Variants in NOC3L observed in about 807,000 individuals in gnomAD.
The protein encoded by NOC3L is NOC3 like DNA replication regulator, also known as nucleolar complex protein 3 homolog.
In NOC3L, 85 loss-of-function variants were observed where a neutral mutation model predicts 102.5. That is an observed-to-expected ratio of 0.83 (90% CI 0.70 to 0.99). The LOEUF is 0.99. Ranked by LOEUF, NOC3L falls within the 50% of genes least tolerant of loss-of-function variation. The pLI, the probability that NOC3L is intolerant of heterozygous loss-of-function variation, is 0.00. For synonymous variants in NOC3L, 303 were observed against 309.4 expected (o/e 0.98, Z 0.22); for missense variants, 878 against 914.9 (o/e 0.96, Z 0.52).
chr10:94,347,445 G>C (rs905734121), intron 10 of NOC3L, among the ~76,000 whole-genome samples: 6 of 152,250 alleles, frequency 3.9e-5, no homozygotes, highest in Middle Eastern at 3.4e-3. Context: ...TTTTACTCTA[G>C]CATCACGAAA....
chr10:94,321,215 G>A, the NOC3L span, among the ~76,000 whole-genome samples: 2 of 152,166 alleles, frequency 1.3e-5, no homozygotes, highest in Non-Finnish European at 1.5e-5. Context: ...AATGCTCAAC[G>A]TCTGTGGAAA....
the NOC3L span, among the ~76,000 whole-genome samples, chr10:94,323,076 G>A: frequency 6.6e-6 from 1 of 152,140 alleles, no homozygotes; most frequent in Non-Finnish European, 1.5e-5. Context: ...ATGGATTTAG[G>A]AAGTGACTCT....
At position 94,352,354 on chromosome 10, in the gene NOC3L, C is replaced by T; in HGVS notation, c.908G>A (p.Ser303Asn). The change falls in exon 8 of 21, where the codon AGC (serine) becomes AAC (asparagine). Residue 303 changes from serine to asparagine, a missense_variant. By Grantham distance (46) the Ser-to-Asn change is conservative. Coordinates refer to ENST00000371361, the MANE Select transcript of NOC3L (RefSeq NM_022451.11). ...KLREFEEGLV[S>N]QYKFYLENLE... is the part of the protein sequence containing the mutation. Reference sequence around the variant, plus strand: ...ATTTTCCAAATAAAACTTGTATTGGCTAACCAGGCCTTCTTCAAATTCTCT... The same window carrying T: ...ATTTTCCAAATAAAACTTGTATTGGTTAACCAGGCCTTCTTCAAATTCTCT... 2 of 1,613,854 alleles carry T rather than the reference C, an allele frequency of 1.2e-6. No individual in the cohort carries two copies. Among genetic ancestry groups the T allele is most frequent in the Middle Eastern group, 1.7e-4 (1 of 6,032 alleles).
At chr10:94,332,495 ATGTGTGTGCCTGTG>A (rs1441452074), downstream of NOC3L, 5 of 130,346 alleles carry the variant, frequency 3.8e-5, no homozygotes, top group Admixed American at 8.4e-5. Context: ...GCCTCAGGAT[ATGTGTGTGCCTGTG>A]TGTGTGTGTG....
intron 2 of NOC3L, among the ~76,000 whole-genome samples, chr10:94,359,152 C>T (rs906268204): frequency 3.9e-5 from 6 of 152,270 alleles, no homozygotes; most frequent in Non-Finnish European, 7.4e-5. Flanking sequence ...TGGCTGAGCG[C>T]GGTGGCTCAC....
chr10:94,315,441 T>C, the NOC3L span: 1 of 456,070 alleles, frequency 2.2e-6, no homozygotes, highest in Non-Finnish European at 4.4e-6. Context: ...TTTACTCCCT[T>C]CAAATTCAGC....
In NOC3L at chr10:94,350,137, A is replaced by G. The variant is rs1360236661; in HGVS notation, c.1104T>C (p.Pro368=). 6.2e-7 allele frequency: 1 copy of G among 1,614,162 alleles called. No homozygotes were observed. The highest frequency in any genetic ancestry group is 1.1e-5 in the South Asian group (1 of 91,080). ...FHNNIIVLIV[P]LMNDMSKLIS... Reference sequence around the variant, plus strand: ...CCAATTTTGACATGTCATTCATGAGAGGGACAATCAATACGATGATGTTGT... The same window carrying G: ...CCAATTTTGACATGTCATTCATGAGGGGGACAATCAATACGATGATGTTGT... Residue 368 remains proline (P), a synonymous_variant, in exon 9 of 21, where the codon CCT becomes CCC. Transcript: ENST00000371361.
Position 94,361,842 on chromosome 10 carries a change from G to A in NOC3L, c.40C>T (p.Arg14Cys), listed in dbSNP as rs753022530. Residue 14 changes from arginine to cysteine, a missense_variant, in exon 2 of 21, where the codon CGC becomes TGC. By Grantham distance (180) the Arg-to-Cys change is radical. Coordinates refer to ENST00000371361, the MANE Select transcript of NOC3L (RefSeq NM_022451.11). ...ACTTTACTAGTTTTTATTAACTTGC[G>A]AAAGCTTGGGATCTGTTTTTTATTT... Reference protein sequence around the residue: ...RRNKKQIPSFRKLIKTSKVKL... With the variant: ...RRNKKQIPSFCKLIKTSKVKL... 14 of 1,612,262 alleles carry A rather than the reference G, an allele frequency of 8.7e-6. No individual in the cohort carries two copies. The highest frequency in any genetic ancestry group is 1.1e-5 in the South Asian group (1 of 90,934).
Position 94,340,286 on chromosome 10 carries a change from T to C in NOC3L, c.1770A>G (p.Lys590=). 1 of 1,609,194 alleles carries C rather than the reference T, an allele frequency of 6.2e-7. No homozygotes were observed. Among genetic ancestry groups the C allele is most frequent in the Non-Finnish European group, 8.5e-7 (1 of 1,176,736 alleles). The change falls in exon 16 of 21, where the codon AAA becomes AAG. Residue 590 remains lysine (K), a synonymous_variant. Transcript: ENST00000371361. ...FYTHLYKTLF[K]LHAGATNEGV... ...TCTAAACATACATACCTGCATGTAATTTGAACAGTGTTTTGTAGAGATGTG... is the reference window on the plus strand; with the variant it reads ...TCTAAACATACATACCTGCATGTAACTTGAACAGTGTTTTGTAGAGATGTG...
rs959825076 is a variant in NOC3L, at chr10:94,358,182, T to C, written c.251A>G (p.Glu84Gly). The C allele has an allele frequency of 1.3e-6, 2 of 1,580,236 alleles. No individual in the cohort carries two copies. Among genetic ancestry groups the C allele is most frequent in the Non-Finnish European group, 1.7e-6 (2 of 1,152,322 alleles). ...CATCATATCTAAAGGAAGGGCTTCT[T>C]CTTCTTCCTCTTCTTCCCTCTCAAT... is the stretch of plus-strand genomic sequence containing the variant. Reference protein sequence around the residue: ...KRIEREEEEEEEALPLDMMDE... With the variant: ...KRIEREEEEEGEALPLDMMDE... The change falls in exon 3 of 21, where the codon GAA becomes GGA. Residue 84 changes from glutamate to glycine, a missense_variant. Transcript: ENST00000371361.
At chr10:94,349,211 T>C in intron 10 of NOC3L, 39 bp downstream of exon 10, 1 of 1,560,374 alleles carries the variant, frequency 6.4e-7, no homozygotes. Flanking sequence ...AACTTTGTAA[T>C]TTAAAAACAA....
rs533311971 is a variant in NOC3L at position 94,341,445 on chromosome 10, A to C, written c.1644+228T>G. The stretch of plus-strand genomic sequence containing the variant: ...ATGCATCAATTTAAAAAAAAAAAAA[A>C]GAAAACAGGTCAGACAACCCTCCTG... On this transcript the variant is annotated intron_variant, in intron 14 of 20. Coordinates refer to ENST00000371361, the MANE Select transcript of NOC3L (RefSeq NM_022451.11). Among the ~76,000 whole-genome samples the C allele has an allele frequency of 1.3e-4, 19 of 151,252 alleles. No homozygotes were observed. The East Asian group carries it at 3.7e-3, about 29-fold the overall frequency.
intron 5 of NOC3L, 77 bp from the exon 6 acceptor site, chr10:94,355,170 GTAATAA>G (rs1034046734): frequency 8.7e-6 from 11 of 1,263,162 alleles, no homozygotes; most frequent in African/African-American, 4.5e-5. Flanking sequence ...TATTTTTACA[GTAATAA>G]TAATAATGAC....
At chr10:94,327,392 C>A in the NOC3L span, among the ~76,000 whole-genome samples, 2 of 150,280 alleles carry the variant, frequency 1.3e-5, no homozygotes, top group South Asian at 4.2e-4. Context: ...GTCAGGAGTT[C>A]GAGACCAGCC....
intron 13 of NOC3L, among the ~76,000 whole-genome samples, chr10:94,342,310 A>T (rs912870502): frequency 6.6e-6 from 1 of 152,150 alleles, no homozygotes; most frequent in African/African-American, 2.4e-5. Context: ...TGAGCTGCTA[A>T]ATTTGAGAGT....
At position 94,344,419 on chromosome 10, in the gene NOC3L, C is replaced by T; in HGVS notation, c.1567G>A (p.Ala523Thr). Residue 523 changes from alanine (A) to threonine (T), a missense_variant, in exon 13 of 21, where the codon GCC (alanine) becomes ACC (threonine). By Grantham distance (58) the Ala-to-Thr change is moderately conservative. Coordinates refer to ENST00000371361, the MANE Select transcript of NOC3L (RefSeq NM_022451.11). Reference sequence around the variant, plus strand: ...TTCAACCTACACAGCCCTTACTTGGCAAGACCTTCTAGAACTGCTGGCAGG... The same window carrying T: ...TTCAACCTACACAGCCCTTACTTGGTAAGACCTTCTAGAACTGCTGGCAGG... ...PLLPAVLEGL[A>T]KFAHLINVEF... The T allele has an allele frequency of 6.2e-7, 1 of 1,609,902 alleles. No homozygotes were observed. The highest frequency in any genetic ancestry group is 8.5e-7 in the Non-Finnish European group (1 of 1,176,672).
chr10:94,357,271 T>C lies in NOC3L; in HGVS notation c.411A>G (p.Ile137Met). Residue 137 changes from isoleucine (I) to methionine (M), a missense_variant, in exon 4 of 21, where the codon ATA becomes ATG. Transcript: ENST00000371361. ...HERIIDKYEK[I>M]PRTLQTAPEK... ...CTGGTGCAGTTTGCAGAGTTCTTGG[T>C]ATTTTTTCATATTTATCTATAATGC... 6.2e-7 allele frequency: 1 copy of C among 1,608,142 alleles called. No homozygotes were observed. The highest frequency in any genetic ancestry group is 8.5e-7 in the Non-Finnish European group (1 of 1,177,090).
intron 17 of NOC3L, among the ~76,000 whole-genome samples, chr10:94,339,145 A>G (rs545515410): frequency 3.7e-4 from 56 of 152,334 alleles, no homozygotes; most frequent in Middle Eastern, 3.4e-3. Context: ...ACATTTGAAT[A>G]TCACTTCTAC....
At chr10:94,362,073 T>C (rs10882437) in intron 1 of NOC3L, 173,928 of 626,128 alleles carry the variant, frequency 0.28, 25,680 homozygotes, top group African/African-American at 0.43. Context: ...CAATCCCAAT[T>C]CACAGCAATT....
Sources: gnomAD v4.1 joint callset for allele counts (sites outside exome capture counted in the v4.1 genomes callset) on GRCh38, gnomAD v4.1.1 for gene constraint, MANE v1.5 for transcripts, NCBI Gene and HGNC (gene_info 2026-07-23, HGNC 2026-07-21) for gene names.